Variants in FRY observed in about 807,000 individuals in gnomAD.
FRY encodes the protein protein furry homolog.
In FRY, 128 loss-of-function variants were observed where a neutral mutation model predicts 348.4. The observed-to-expected ratio is 0.37, with a 90% CI of 0.32 to 0.43. The LOEUF (loss-of-function observed/expected upper bound fraction) is 0.43, where lower values mean the gene tolerates loss of function less well. Among genes scored for constraint, FRY ranks in the 20% least tolerant of loss-of-function variants. The pLI is 1.00. For synonymous variants in FRY, 1,370 were observed against 1,374.7 expected (o/e 1.00, Z 0.08); for missense variants, 2,736 against 3,695.2 (o/e 0.74, Z 6.73).
intron 2 of FRY, 61 bp downstream of exon 2, chr13:32,079,094 A>T: frequency 9.2e-7 from 1 of 1,086,218 alleles, no homozygotes; most frequent in East Asian, 2.3e-5. Context: ...AATATACTAG[A>T]TTTAAACACT....
At chr13:32,126,895 A>G (rs74591449) in intron 7 of FRY, among the ~76,000 whole-genome samples, 1,540 of 152,306 alleles carry the variant, frequency 0.01, 30 homozygotes, top group African/African-American at 0.035. Context: ...ATTTTAGATT[A>G]TATGTCTCAT....
chr13:32,171,317 T>G (rs1023450090), intron 18 of FRY, 47 bp downstream of exon 18: 1 of 1,490,024 alleles, frequency 6.7e-7, no homozygotes, highest in African/African-American at 1.5e-5. Flanking sequence ...TTTTTTTTTT[T>G]TTTTTTTTTT....
chr13:32,097,915 A>T (rs1876855930), intron 2 of FRY, among the ~76,000 whole-genome samples: 1 of 152,074 alleles, frequency 6.6e-6, no homozygotes, highest in Non-Finnish European at 1.5e-5. Flanking sequence ...ATCTTCTGCT[A>T]TGTATATTTT....
intron 53 of FRY, among the ~76,000 whole-genome samples, chr13:32,264,974 G>A (rs1195973651): frequency 2.6e-5 from 4 of 152,144 alleles, no homozygotes; most frequent in Non-Finnish European, 5.9e-5. Context: ...AATTAACTCT[G>A]GATAGGCTTG....
At chr13:32,132,649 C>G (rs1312445289) in intron 8 of FRY, among the ~76,000 whole-genome samples, 1 of 152,142 alleles carries the variant, frequency 6.6e-6, no homozygotes, top group African/African-American at 2.4e-5. Flanking sequence ...ATAGCAAAAC[C>G]TAGAATTACC....
At chr13:32,294,257 G>A in intron 59 of FRY, 111 bp from the exon 60 acceptor site, 1 of 734,336 alleles carries the variant, frequency 1.4e-6, no homozygotes, top group Non-Finnish European at 2.4e-6. Flanking sequence ...AATTTACCAA[G>A]GTATTAAGCT....
At chr13:32,035,959 G>T (rs962898476) in intron 1 of FRY, among the ~76,000 whole-genome samples, 1 of 152,114 alleles carries the variant, frequency 6.6e-6, no homozygotes, top group Non-Finnish European at 1.5e-5. Flanking sequence ...GATAAGCCCA[G>T]GATCTGTTCA....
intron 3 of FRY, among the ~76,000 whole-genome samples, chr13:32,112,208 T>C (rs1878012717): frequency 6.6e-6 from 1 of 152,170 alleles, no homozygotes; most frequent in South Asian, 2.1e-4. Context: ...TATTCTGTTA[T>C]TAACTTAGCC....
rs760631653 is a variant in FRY at position 32,178,985 on chromosome 13, A to G, written c.2823A>G (p.Pro941=). The G allele has an allele frequency of 1.4e-5, 23 of 1,614,080 alleles. No homozygotes were observed. The highest frequency in any genetic ancestry group is 1.9e-5 in the Non-Finnish European group (22 of 1,179,930). Residue 941 remains proline, a synonymous_variant, in exon 22 of 61, where the codon CCA becomes CCG. Transcript: ENST00000542859. ...CAGGACACTTAAGAGCTTCCACTCC[A>G]GAAATAATGGCGACCACACCTGATG... ...MSPGHLRAST[P]EIMATTPDGT...
intron 1 of FRY, among the ~76,000 whole-genome samples, chr13:32,067,680 G>A (rs1874349526): frequency 6.6e-6 from 1 of 152,166 alleles, no homozygotes; most frequent in African/African-American, 2.4e-5. Context: ...GAGGTTGAAA[G>A]GACAATCTAA....
At chr13:32,117,708 G>T in intron 4 of FRY, among the ~76,000 whole-genome samples, 1 of 152,078 alleles carries the variant, frequency 6.6e-6, no homozygotes, top group South Asian at 2.1e-4. Context: ...GGTGGAGACA[G>T]GTGTGAAGGG....
intron 36 of FRY, among the ~76,000 whole-genome samples, chr13:32,219,355 C>T (rs1885186578): frequency 6.7e-6 from 1 of 150,018 alleles, no homozygotes; most frequent in African/African-American, 2.4e-5. Flanking sequence ...TCCCAAAGTG[C>T]TGGGATTACA....
chr13:32,117,516 G>A (rs1370566516), intron 4 of FRY, 43 bp downstream of exon 4: 1 of 1,596,520 alleles, frequency 6.3e-7, no homozygotes, highest in South Asian at 1.1e-5. Flanking sequence ...ATTTTGTTTT[G>A]TTTTCAGGAA....
chr13:32,254,358 C>G lies in FRY; in HGVS notation c.7380C>G (p.Asp2460Glu). Residue 2460 changes from aspartate (D) to glutamate (E), a missense_variant, in exon 51 of 61, where the codon GAC becomes GAG. Transcript: ENST00000542859. ...NSEQQFRVFR[D>E]FDFLDVELED... ...AGCAGCAGTTTAGAGTCTTCAGAGA[C>G]TTCGACTTCCTAGATGTGGAGCTGG... 1 of 1,614,134 alleles carries G rather than the reference C, an allele frequency of 6.2e-7. No homozygotes were observed. Among genetic ancestry groups the G allele is most frequent in the Non-Finnish European group, 8.5e-7 (1 of 1,180,004 alleles).
intron 48 of FRY, among the ~76,000 whole-genome samples, chr13:32,247,755 A>G (rs1273750409): frequency 6.6e-6 from 1 of 152,244 alleles, no homozygotes; most frequent in Admixed American, 6.5e-5. Flanking sequence ...GAGGTATTTA[A>G]AAATGGAACG....
At chr13:32,194,357 A>G in intron 29 of FRY, 60 bp downstream of exon 29, 1 of 1,482,838 alleles carries the variant, frequency 6.7e-7, no homozygotes, top group South Asian at 1.1e-5. Flanking sequence ...TTTTTGTGAT[A>G]TGAATGACGG....
Position 32,244,037 on chromosome 13 carries a change from C to G in FRY, c.6688-5C>G. Reference sequence around the variant, plus strand: ...ACTGACTCCAGCCGCACTTTGCCCCCACAGCTGCTGGAGAAGGGCCTCCCT... The same window carrying G: ...ACTGACTCCAGCCGCACTTTGCCCCGACAGCTGCTGGAGAAGGGCCTCCCT... On this transcript the variant is annotated splice_region_variant and splice_polypyrimidine_tract_variant and intron_variant, in intron 46 of 60. Transcript: ENST00000542859. 1.2e-6 allele frequency: 2 copies of G among 1,613,794 alleles called. No individual in the cohort carries two copies. Among genetic ancestry groups the G allele is most frequent in the Admixed American group, 1.7e-5 (1 of 60,018 alleles).
chr13:32,256,625 T>C (rs73444626), intron 51 of FRY, among the ~76,000 whole-genome samples: 1,947 of 152,286 alleles, frequency 0.013, 36 homozygotes, highest in African/African-American at 0.043. Context: ...AATGTTTTGC[T>C]ACTTCCCAAT....
At chr13:32,290,147 G>A (rs1889264063) in intron 59 of FRY, among the ~76,000 whole-genome samples, 1 of 152,136 alleles carries the variant, frequency 6.6e-6, no homozygotes, top group Non-Finnish European at 1.5e-5. Context: ...ATGTCTGTAT[G>A]ATGTGTTTGG....
Sources: allele counts gnomAD v4.1 joint callset (sites outside exome capture counted in the v4.1 genomes callset), GRCh38; gene constraint gnomAD v4.1.1; transcripts MANE v1.5; gene names NCBI Gene and HGNC (gene_info 2026-07-23, HGNC 2026-07-21).